Variants in FSTL4 observed in about 807,000 individuals in gnomAD.
The protein encoded by FSTL4 is follistatin-related protein 4.
FSTL4 carries 28 observed loss-of-function variants against 78.2 expected under a neutral mutation model. That is an observed-to-expected ratio of 0.36 (90% CI 0.27 to 0.49). The LOEUF (loss-of-function observed/expected upper bound fraction) is 0.49, where lower values mean the gene tolerates loss of function less well. Ranked by LOEUF, FSTL4 falls within the 20% of genes least tolerant of loss-of-function variation. FSTL4 has a pLI of 0.98. For synonymous variants in FSTL4, 422 were observed against 440.5 expected, an observed-to-expected ratio of 0.96 and a Z score of 0.53; for missense variants, 922 against 1,084.9, an observed-to-expected ratio of 0.85 and a Z score of 2.11.
chr5:133,737,126 T>C, the FSTL4 span, among the ~76,000 whole-genome samples: 4 of 152,160 alleles, frequency 2.6e-5, no homozygotes, highest in Non-Finnish European at 2.9e-5. Context: ...AAGTTATTAT[T>C]GACCATAGTC....
the FSTL4 span, among the ~76,000 whole-genome samples, chr5:133,679,862 C>T: frequency 5.9e-5 from 9 of 152,028 alleles, no homozygotes; most frequent in Admixed American, 5.9e-4. Flanking sequence ...TTATCTCTAC[C>T]CCTGGCACTA....
At position 133,487,601 on chromosome 5, in the gene FSTL4, C is replaced by T. The variant is rs535596540; in HGVS notation, c.160+79585G>A. On this transcript the variant is annotated intron_variant, in intron 3 of 15. Transcript: ENST00000265342. ...TGCCAGTGTCTCCCAAGTTGATGTA[C>T]ATTTCAGCACGGTGCCTAGTTGATG... Among the ~76,000 whole-genome samples, 104 of 152,280 alleles carry T rather than the reference C, an allele frequency of 6.8e-4. 2 individuals carry two copies. The highest frequency in any genetic ancestry group is 2.5e-3 in the African/African-American group (103 of 41,550).
At chr5:133,582,675 C>CA (rs1361917109) in intron 2 of FSTL4, among the ~76,000 whole-genome samples, 1 of 152,184 alleles carries the variant, frequency 6.6e-6, no homozygotes, top group African/African-American at 2.4e-5. Flanking sequence ...ACTGCTCCCT[C>CA]ACACCTCTTC....
intron 4 of FSTL4, among the ~76,000 whole-genome samples, chr5:133,342,876 A>AC (rs1161320991): frequency 5.3e-5 from 8 of 152,124 alleles, no homozygotes; most frequent in Non-Finnish European, 1.0e-4. Context: ...AACCCATGGT[A>AC]CCCAGAGTAT....
intron 2 of FSTL4, among the ~76,000 whole-genome samples, chr5:133,581,933 A>T (rs1351069763): frequency 6.6e-6 from 1 of 152,228 alleles, no homozygotes; most frequent in Non-Finnish European, 1.5e-5. Context: ...AAACCTCTGC[A>T]GGTGCCAGTG....
intron 3 of FSTL4, among the ~76,000 whole-genome samples, chr5:133,435,591 TA>T (rs1378184736): frequency 6.6e-6 from 1 of 152,226 alleles, no homozygotes; most frequent in African/African-American, 2.4e-5. Flanking sequence ...CATTTGAAAA[TA>T]ACTGATGATC....
the FSTL4 span, among the ~76,000 whole-genome samples, chr5:133,729,610 C>T: frequency 1.3e-5 from 2 of 152,130 alleles, no homozygotes; most frequent in Non-Finnish European, 2.9e-5. Flanking sequence ...CTGCATTTAA[C>T]TTCAAGCCCA....
At chr5:133,308,360 T>C (rs1753702476) in intron 6 of FSTL4, among the ~76,000 whole-genome samples, 1 of 152,190 alleles carries the variant, frequency 6.6e-6, no homozygotes, top group Non-Finnish European at 1.5e-5. Flanking sequence ...CCATGCTATT[T>C]AAAATCTTGT....
intron 6 of FSTL4, among the ~76,000 whole-genome samples, chr5:133,311,557 C>T (rs1380217216): frequency 1.3e-5 from 2 of 152,200 alleles, no homozygotes; most frequent in African/African-American, 4.8e-5. Flanking sequence ...TTCTTGCCAA[C>T]AAATCACAAG....
chr5:133,374,494 G>C (rs190876296), intron 4 of FSTL4, among the ~76,000 whole-genome samples: 5 of 151,982 alleles, frequency 3.3e-5, no homozygotes, highest in Admixed American at 1.3e-4. Context: ...TACCATCTTG[G>C]TTAAATATGA....
chr5:133,220,371 G>A (rs971996527), intron 12 of FSTL4, among the ~76,000 whole-genome samples: 2 of 152,234 alleles, frequency 1.3e-5, no homozygotes, highest in African/African-American at 4.8e-5. Context: ...TCCTGCCTCT[G>A]CCCACTGAAT....
upstream of FSTL4, among the ~76,000 whole-genome samples, chr5:133,616,351 A>ATCTG (rs1313824219): frequency 9.9e-5 from 15 of 151,430 alleles, no homozygotes; most frequent in East Asian, 2.9e-3. Flanking sequence ...CTATCTATCT[A>ATCTG]TCTAATTTTA....
chr5:133,371,967 C>T (rs1033523690), intron 4 of FSTL4, among the ~76,000 whole-genome samples: 6 of 152,224 alleles, frequency 3.9e-5, no homozygotes, highest in African/African-American at 1.4e-4. Context: ...TGTTGGAAGG[C>T]TCACCATTTT....
At chr5:133,710,510 C>T in the FSTL4 span, among the ~76,000 whole-genome samples, 1 of 152,218 alleles carries the variant, frequency 6.6e-6, no homozygotes, top group Non-Finnish European at 1.5e-5. Context: ...TCCTCAGATG[C>T]ATGCACCCAT....
At chr5:133,508,652 G>A (rs188740637) in intron 3 of FSTL4, among the ~76,000 whole-genome samples, 2 of 152,344 alleles carry the variant, frequency 1.3e-5, no homozygotes, top group Non-Finnish European at 2.9e-5. Flanking sequence ...ATGGAAGAAC[G>A]TGTGTAGGTT....
At chr5:133,783,640 C>T in the FSTL4 span, among the ~76,000 whole-genome samples, 122 of 152,312 alleles carry the variant, frequency 8.0e-4, no homozygotes, top group African/African-American at 2.8e-3. Flanking sequence ...TCCAAGTTCT[C>T]TTTGTCATCA....
intron 3 of FSTL4, among the ~76,000 whole-genome samples, chr5:133,455,408 T>C (rs1027192494): frequency 2.0e-5 from 3 of 152,214 alleles, no homozygotes; most frequent in Non-Finnish European, 4.4e-5. Context: ...TAGTAACTTC[T>C]GGGCGAAGGT....
chr5:133,630,515 C>G, the FSTL4 span, among the ~76,000 whole-genome samples: 1 of 152,302 alleles, frequency 6.6e-6, no homozygotes, highest in Admixed American at 6.5e-5. Context: ...AATGGAAAAA[C>G]ATTGCATGCT....
At chr5:133,682,050 C>G in the FSTL4 span, among the ~76,000 whole-genome samples, 1 of 152,172 alleles carries the variant, frequency 6.6e-6, no homozygotes, top group African/African-American at 2.4e-5. Flanking sequence ...AAGTGAGGCT[C>G]TCAGTGCTTT....
Sources: allele counts gnomAD v4.1 joint callset (sites outside exome capture counted in the v4.1 genomes callset), GRCh38; gene constraint gnomAD v4.1.1; transcripts MANE v1.5; gene names NCBI Gene and HGNC (gene_info 2026-07-23, HGNC 2026-07-21).